Variants in UBE2W observed in about 807,000 individuals in gnomAD.
The protein encoded by UBE2W is ubiquitin-conjugating enzyme E2 W.
A neutral mutation model predicts 27.2 loss-of-function variants in UBE2W; 18 were observed. The ratio of observed to expected loss-of-function variants is 0.66; its 90% CI spans 0.46 to 0.98. The LOEUF (loss-of-function observed/expected upper bound fraction) is 0.98. UBE2W is among the 50% of genes least tolerant of loss of function. UBE2W has a pLI of 0.00. For synonymous variants in UBE2W, 53 were observed against 57.2 expected, an observed-to-expected ratio of 0.93 and a Z score of 0.33; for missense variants, 90 against 180.2, an observed-to-expected ratio of 0.50 and a Z score of 2.87.
rs571671199 is a variant in UBE2W at position 73,839,209 on chromosome 8, T to C, written c.16-8737A>G. 5.9e-5 allele frequency among the ~76,000 whole-genome samples: 9 copies of C among 152,194 alleles called. 1 individual carries two copies. In the South Asian group the frequency reaches 1.9e-3, roughly 32 times the overall value. ...TATTTCAGAGAGCTGCGATGATAGG[T>C]ACATCAGTACTGAAAAAGCACTACT... On this transcript the variant is annotated intron_variant, in intron 1 of 5. Transcript: ENST00000602593.
chr8:73,780,575 C>T (rs1807824453), intron 4 of UBE2W: 48 of 442,040 alleles, frequency 1.1e-4, no homozygotes, highest in South Asian at 7.7e-4. Context: ...ACTCTATCTC[C>T]AGGCTGGAGT....
At chr8:73,783,192 CTTGTT>C (rs1807873502), downstream of UBE2W, among the ~76,000 whole-genome samples, 1 of 152,004 alleles carries the variant, frequency 6.6e-6, no homozygotes, top group Non-Finnish European at 1.5e-5. Context: ...AAGATATTGT[CTTGTT>C]TTCATAGTTT....
At chr8:73,835,749 C>CAACAA (rs529538786) in intron 1 of UBE2W, among the ~76,000 whole-genome samples, 18 of 152,174 alleles carry the variant, frequency 1.2e-4, no homozygotes, top group East Asian at 1.2e-3. Flanking sequence ...CCTCAAAAAA[C>CAACAA]AACAAAACAA....
chr8:73,827,411 T>C (rs1809890949), intron 2 of UBE2W, among the ~76,000 whole-genome samples: 1 of 152,036 alleles, frequency 6.6e-6, no homozygotes, highest in African/African-American at 2.4e-5. Context: ...AGGGTGTTTC[T>C]CCATGTTTTT....
At chr8:73,818,889 T>G (rs1204692235) in intron 3 of UBE2W, among the ~76,000 whole-genome samples, 1 of 152,242 alleles carries the variant, frequency 6.6e-6, no homozygotes, top group Non-Finnish European at 1.5e-5. Flanking sequence ...GGTGGCACTA[T>G]GCTTCTTGTA....
At chr8:73,798,832 T>C (rs934238039) in intron 5 of UBE2W, among the ~76,000 whole-genome samples, 1 of 152,226 alleles carries the variant, frequency 6.6e-6, no homozygotes, top group Admixed American at 6.5e-5. Context: ...ATCTGTTTTC[T>C]AAGGAAGATT....
chr8:73,808,946 A>G, intron 4 of UBE2W, among the ~76,000 whole-genome samples: 1 of 152,204 alleles, frequency 6.6e-6, no homozygotes, highest in East Asian at 1.9e-4. Context: ...AATAAAATCT[A>G]ATAATCATGA....
Position 73,787,857 on chromosome 8 carries a change from A to G in UBE2W, c.*6245T>C, listed in dbSNP as rs966342902. ...AGCAAGTGCCTGGGTCTCCATTTCC[A>G]TCTTCACTGAAAACACTCAGTCTTT... On this transcript the variant is annotated 3_prime_UTR_variant, in exon 6 of 6. Coordinates refer to ENST00000602593, the MANE Select transcript of UBE2W (RefSeq NM_018299.6). 1 of 985,438 alleles carries G rather than the reference A, an allele frequency of 1.0e-6. No homozygotes were observed. The highest frequency in any genetic ancestry group is 1.2e-6 in the Non-Finnish European group (1 of 829,930). The allele number at this position is 985,438 out of a possible 1,614,324, so 61.0% of individuals were successfully genotyped here.
chr8:73,802,109 A>C (rs978446352), intron 5 of UBE2W, among the ~76,000 whole-genome samples: 1 of 152,244 alleles, frequency 6.6e-6, no homozygotes, highest in Admixed American at 6.5e-5. Context: ...GATGTTTTTT[A>C]GGACAGATTC....
intron 1 of UBE2W, among the ~76,000 whole-genome samples, chr8:73,876,147 A>G (rs1393979888): frequency 6.6e-6 from 1 of 152,048 alleles, no homozygotes; most frequent in Non-Finnish European, 1.5e-5. Context: ...CCATGAGGGC[A>G]GAAATCTTGT....
At chr8:73,833,109 C>G (rs1028719071) in intron 1 of UBE2W, among the ~76,000 whole-genome samples, 2 of 142,878 alleles carry the variant, frequency 1.4e-5, no homozygotes, top group Non-Finnish European at 3.0e-5. Context: ...CGCTTGAACC[C>G]GGGAGGCAGA....
At chr8:73,859,317 C>A (rs962928177) in intron 1 of UBE2W, among the ~76,000 whole-genome samples, 6 of 151,972 alleles carry the variant, frequency 3.9e-5, no homozygotes, top group African/African-American at 1.5e-4. Flanking sequence ...ACCACCCTGG[C>A]CAACATGGTG....
chr8:73,800,016 C>T (rs1259023118), intron 5 of UBE2W, among the ~76,000 whole-genome samples: 2 of 152,100 alleles, frequency 1.3e-5, no homozygotes, highest in Non-Finnish European at 2.9e-5. Flanking sequence ...TTTTTACAAG[C>T]GTATGATTAT....
At chr8:73,818,645 C>T (rs553009239) in intron 3 of UBE2W, among the ~76,000 whole-genome samples, 8 of 152,304 alleles carry the variant, frequency 5.3e-5, no homozygotes, top group African/African-American at 1.9e-4. Context: ...ATGTAACCCC[C>T]AATGTTGGAG....
intron 3 of UBE2W, 44 bp from the exon 4 acceptor site, chr8:73,810,673 T>C (rs1352142022): frequency 7.0e-7 from 1 of 1,432,670 alleles, no homozygotes. Context: ...TATTCTCTAC[T>C]ACCAAAAACT....
intron 4 of UBE2W, among the ~76,000 whole-genome samples, chr8:73,810,084 G>A (rs565897897): frequency 4.6e-5 from 7 of 152,200 alleles, no homozygotes; most frequent in Admixed American, 1.3e-4. Context: ...CAGGTTGATC[G>A]GGTGGGAGCT....
intron 1 of UBE2W, among the ~76,000 whole-genome samples, chr8:73,837,817 T>C (rs1431416132): frequency 6.6e-6 from 1 of 152,222 alleles, no homozygotes; most frequent in Non-Finnish European, 1.5e-5. Flanking sequence ...AGCAAATCTT[T>C]AAATATGCAC....
intron 1 of UBE2W, among the ~76,000 whole-genome samples, chr8:73,853,531 G>C (rs1484368935): frequency 6.6e-6 from 1 of 152,108 alleles, no homozygotes; most frequent in Non-Finnish European, 1.5e-5. Context: ...AATGCACTGG[G>C]ATTAGAGATG....
At chr8:73,827,887 G>A (rs568728831) in intron 2 of UBE2W, among the ~76,000 whole-genome samples, 1 of 152,214 alleles carries the variant, frequency 6.6e-6, no homozygotes, top group African/African-American at 2.4e-5. Context: ...TATGTTCATT[G>A]TAGAAACTTC....
Sources: allele counts gnomAD v4.1 joint callset (sites outside exome capture counted in the v4.1 genomes callset), GRCh38; gene constraint gnomAD v4.1.1; transcripts MANE v1.5; gene names NCBI Gene and HGNC (gene_info 2026-07-23, HGNC 2026-07-21).